The following RAB37 variants were observed in gnomAD, a reference collection of about 807,000 sequenced individuals.
RAB37 encodes the protein ras-related protein Rab-37.
Under a neutral mutation model 33.1 loss-of-function variants are expected in RAB37, and 29 were observed. The ratio of observed to expected loss-of-function variants is 0.88; its 90% confidence interval spans 0.65 to 1.20. The LOEUF (loss-of-function observed/expected upper bound fraction) is 1.20. Ranked by LOEUF, RAB37 falls within the 50% of genes most tolerant of loss-of-function variation. RAB37 has a pLI of 0.00. For synonymous variants in RAB37, 128 were observed against 119.5 expected (o/e 1.07, Z -0.47); for missense variants, 299 against 301.1 (o/e 0.99, Z 0.05).
Position 74,745,393 on chromosome 17 carries a change from C to A in RAB37, c.654C>A (p.Ser218Arg). 6.2e-7 allele frequency: 1 copy of A among 1,613,958 alleles called. No homozygotes were observed. Among genetic ancestry groups the A allele is most frequent in the Non-Finnish European group, 8.5e-7 (1 of 1,179,856 alleles). Residue 218 changes from serine to arginine, a missense_variant, in exon 9 of 9, where the codon AGC becomes AGA. Physicochemically the swap from Ser to Arg is moderately radical, Grantham distance 110 (BLOSUM62 -1). Coordinates refer to ENST00000392613, the MANE Select transcript of RAB37 (RefSeq NM_001006638.3). The surrounding 1 kb of genome is among the most constrained non-coding windows in gnomAD (Gnocchi z 4.5). ...TAGAGTCCCAGAAGAAGCGCTCCAG[C>A]TGCTGCTCCTTCATGTGAATCCCAG... ...DYVESQKKRS[S>R]CCSFM
chr17:74,732,755 G>T (rs199852319), upstream of RAB37, among the ~76,000 whole-genome samples: 3 of 77,678 alleles, frequency 3.9e-5, no homozygotes, highest in Non-Finnish European at 5.6e-5. Flanking sequence ...GTGATGAGGT[G>T]TGTGGTGTGA....
At position 74,694,642 on chromosome 17, in the gene RAB37, T is replaced by C. The variant is rs73361341; in HGVS notation, c.72+22984T>C. 3.5e-3 allele frequency: 534 copies of C among 153,164 alleles called. 5 individuals are homozygous for C. Among genetic ancestry groups the C allele is most frequent in the African/African-American group, 0.012 (512 of 41,552 alleles). The allele number at this position is 153,164 out of a possible 1,614,324, so 9.5% of individuals were successfully genotyped here. ...CCTCTCTATCTCAAAGTCCTTAACT[T>C]ACATACATCTGCACTGTCCCTTTCT... On this transcript the variant is annotated intron_variant, in intron 1 of 7. Transcript: ENST00000340415.
At chr17:74,737,204 C>CGGGGGTGGGGTGTTGGGGGGGGGGG, upstream of RAB37, 1 of 330,960 alleles carries the variant, frequency 3.0e-6, no homozygotes, top group Non-Finnish European at 5.3e-6. Context: ...GTGGGCGGGG[C>CGGGGGTGGGGTGTTGGGGGGGGGGG]GGGGGTGGGG....
At chr17:74,716,360 CT>C (rs2034165162) in intron 1 of RAB37, among the ~76,000 whole-genome samples, 1 of 152,178 alleles carries the variant, frequency 6.6e-6, no homozygotes, top group Non-Finnish European at 1.5e-5. Context: ...CTTGTGTGCT[CT>C]GCTAGGGGAC....
chr17:74,714,650 A>G (rs367794421), intron 1 of RAB37, among the ~76,000 whole-genome samples: 1 of 152,150 alleles, frequency 6.6e-6, no homozygotes, highest in African/African-American at 2.4e-5. Flanking sequence ...ATTGCTCAGG[A>G]CTATTATCCC....
chr17:74,737,008 G>A (rs1430700732), upstream of RAB37: 2 of 1,602,374 alleles, frequency 1.2e-6, no homozygotes, highest in East Asian at 4.5e-5. Context: ...TCCCGGGGCT[G>A]GATGTGGCTC....
chr17:74,674,270 C>G (rs2031772342), intron 1 of RAB37, among the ~76,000 whole-genome samples: 2 of 151,750 alleles, frequency 1.3e-5, no homozygotes, highest in South Asian at 2.1e-4. Flanking sequence ...TTTGTAGAGA[C>G]AGAGTTTCAC....
Position 74,712,760 on chromosome 17 carries a change from C to G in RAB37, c.73-16496C>G, listed in dbSNP as rs559558127. On this transcript the variant is annotated intron_variant, in intron 1 of 7. Transcript: ENST00000340415. ...ACCTTCTGGCCGGGTCCCTTCTTCC[C>G]TCTCTCAGCCACCTCCTCCTGCTTG... 6.3e-6 allele frequency: 10 copies of G among 1,583,234 alleles called. No homozygotes were observed. The African/African-American group carries it at 1.1e-4, about 17-fold the overall frequency.
At chr17:74,703,827 AAACCGAGGCACTGGGACCCCTGAGCT>A (rs952867054) in intron 1 of RAB37, among the ~76,000 whole-genome samples, 2 of 152,188 alleles carry the variant, frequency 1.3e-5, no homozygotes, top group Non-Finnish European at 2.9e-5. Context: ...AAACCCATGC[AAACCGAGGCACTGGGACCCCTGAGCT>A]AACGCTCCCA....
intron 1 of RAB37, among the ~76,000 whole-genome samples, chr17:74,739,055 C>A (rs2034546731): frequency 6.6e-6 from 1 of 152,164 alleles, no homozygotes. Context: ...TCCTTCATAC[C>A]CCTTCTGCTC....
chr17:74,729,558 C>A lies in RAB37; in HGVS notation c.183+192C>A, dbSNP rs1186547625. Among the ~76,000 whole-genome samples, 1 of 151,932 alleles carries A rather than the reference C, an allele frequency of 6.6e-6. No individual in the cohort carries two copies. The highest frequency in any genetic ancestry group is 2.4e-5 in the African/African-American group (1 of 41,362). ...GAGGGTATACTGCCCCTGGGTAGTC[C>A]AGGAACTCCGCCCACCTCTAGCCTC... On this transcript the variant is annotated intron_variant, in intron 2 of 7. Coordinates refer to the RAB37 transcript ENST00000340415. The surrounding 1 kb of genome is among the most constrained non-coding windows in gnomAD (Gnocchi z 4.2).
chr17:74,705,101 G>A (rs567226215), intron 1 of RAB37: 1 of 664,242 alleles, frequency 1.5e-6, no homozygotes, highest in African/African-American at 1.8e-5. Flanking sequence ...CTACGGCCAA[G>A]GTAATCTGTA....
At chr17:74,703,222 C>G (rs1213981118) in intron 1 of RAB37, 1 of 1,203,234 alleles carries the variant, frequency 8.3e-7, no homozygotes, top group Non-Finnish European at 1.2e-6. Context: ...GCACACAGCT[C>G]TGAGCCTGGG....
intron 1 of RAB37, among the ~76,000 whole-genome samples, chr17:74,737,665 G>T (rs1053473509): frequency 1.2e-4 from 18 of 152,186 alleles, no homozygotes; most frequent in African/African-American, 4.1e-4. Context: ...CTTGGTGAGG[G>T]TTAAGCGCGC....
intron 1 of RAB37, among the ~76,000 whole-genome samples, chr17:74,712,151 A>G (rs939733950): frequency 2.6e-5 from 4 of 151,794 alleles, no homozygotes; most frequent in African/African-American, 9.7e-5. Flanking sequence ...AGCTCAAGCA[A>G]TCAGCCTCCC....
intron 1 of RAB37, among the ~76,000 whole-genome samples, chr17:74,692,945 C>A (rs777674761): frequency 2.4e-4 from 36 of 152,276 alleles, no homozygotes; most frequent in Middle Eastern, 3.4e-3. Flanking sequence ...AGTAACTAGG[C>A]ACGGGGGATA....
At chr17:74,736,663 A>C (rs1436338700), upstream of RAB37, 5 of 1,535,524 alleles carry the variant, frequency 3.3e-6, no homozygotes, top group Non-Finnish European at 2.6e-6. Context: ...GAGGTGATCC[A>C]TACTAAAGGG....
At position 74,720,392 on chromosome 17, in the gene RAB37, G is replaced by A. The variant is rs191411373; in HGVS notation, c.73-8864G>A. 3.9e-4 allele frequency among the ~76,000 whole-genome samples: 60 copies of A among 152,048 alleles called. No homozygotes were observed. The East Asian group carries it at 4.4e-3, about 11-fold the overall frequency. On this transcript the variant is annotated intron_variant, in intron 1 of 7. Coordinates refer to the RAB37 transcript ENST00000340415. The stretch of plus-strand genomic sequence containing the variant: ...CTGAGGCCAGGAGTTCAAGACCAAC[G>A]TGGCCAACATGGCGAAACCCCATCT...
chr17:74,704,342 G>T, intron 1 of RAB37: 1 of 662,926 alleles, frequency 1.5e-6, no homozygotes, highest in South Asian at 1.9e-5. Flanking sequence ...AGTCCCAGGT[G>T]GTCAGTCAGG....
Sources: gnomAD v4.1 joint callset for allele counts (sites outside exome capture counted in the v4.1 genomes callset) on GRCh38, gnomAD v4.1.1 for gene constraint, Gnocchi (gnomAD v3.1) non-coding constraint, MANE v1.5 for transcripts, NCBI Gene and HGNC (gene_info 2026-07-23, HGNC 2026-07-21) for gene names.